The following ESRRG variants were observed in gnomAD, a reference collection of about 807,000 sequenced individuals.
ESRRG encodes estrogen-related receptor gamma.
Under a neutral mutation model 44.0 loss-of-function variants are expected in ESRRG, and 13 were observed. The observed-to-expected ratio is 0.30, with a 90% CI of 0.19 to 0.47. The LOEUF (loss-of-function observed/expected upper bound fraction) is 0.47, where lower values mean the gene tolerates loss of function less well. ESRRG is among the 20% of genes least tolerant of loss of function. ESRRG has a pLI of 1.00. For missense variants in ESRRG, 395 were observed against 580.6 expected (o/e 0.68, Z 3.29); for synonymous variants, 215 against 214.6 (o/e 1.00, Z -0.02).
chr1:216,506,242 T>C lies in ESRRG; in HGVS notation c.*697A>G, dbSNP rs2041177492. 5.5e-6 allele frequency: 1 copy of C among 180,468 alleles called. No individual in the cohort carries two copies. The allele number at this position is 180,468 out of a possible 1,614,324, so 11.2% of individuals were successfully genotyped here. On this transcript the variant is annotated 3_prime_UTR_variant, in exon 7 of 7. Coordinates refer to ENST00000408911, the MANE Select transcript of ESRRG (RefSeq NM_001438.4). ...ACTGCACTCAGTCAATTTGTATATG[T>C]TGCACTGTACTTTTAGGAACGTTGG...
At chr1:216,609,799 C>G (rs2060390776) in intron 3 of ESRRG, among the ~76,000 whole-genome samples, 1 of 152,182 alleles carries the variant, frequency 6.6e-6, no homozygotes. Context: ...TATATTCTGG[C>G]ACTTCCTGTC....
At chr1:216,947,271 C>T (rs1057193481) in intron 1 of ESRRG, among the ~76,000 whole-genome samples, 1 of 152,098 alleles carries the variant, frequency 6.6e-6, no homozygotes, top group East Asian at 1.9e-4. Context: ...CTGAGCATGA[C>T]CCAGGATTCA....
intron 5 of ESRRG, among the ~76,000 whole-genome samples, chr1:216,524,579 G>T (rs1044891294): frequency 2.0e-5 from 3 of 151,976 alleles, no homozygotes; most frequent in Non-Finnish European, 4.4e-5. Flanking sequence ...TGAAATGTAA[G>T]AATAATTGAC....
intron 1 of ESRRG, among the ~76,000 whole-genome samples, chr1:217,071,687 C>T (rs758088592): frequency 6.6e-6 from 1 of 152,140 alleles, no homozygotes; most frequent in Non-Finnish European, 1.5e-5. Flanking sequence ...ACAAAAACCT[C>T]CAATAATGTC....
At chr1:216,650,398 C>T (rs2068652827) in intron 3 of ESRRG, among the ~76,000 whole-genome samples, 2 of 152,146 alleles carry the variant, frequency 1.3e-5, no homozygotes, top group African/African-American at 4.8e-5. Context: ...CCTGGCTCCA[C>T]CAATTATAAA....
At chr1:216,742,827 C>T (rs951514054) in intron 2 of ESRRG, among the ~76,000 whole-genome samples, 5 of 152,060 alleles carry the variant, frequency 3.3e-5, no homozygotes, top group Non-Finnish European at 7.4e-5. Context: ...GAATTCACAT[C>T]GCCCTCTGGT....
Position 217,077,534 on chromosome 1 carries a change from C to A in ESRRG, c.-106+11973G>T, listed in dbSNP as rs184349532. ...CCAAAATTCTGTGAGCATTTACTGA[C>A]CTGAATGTTCTTAGAATCTAGGTAG... On this transcript the variant is annotated intron_variant, in intron 1 of 7. Transcript: ENST00000359162. Among the ~76,000 whole-genome samples the A allele has an allele frequency of 1.2e-4, 18 of 152,242 alleles. No individual in the cohort carries two copies. In the East Asian group the frequency reaches 3.3e-3, roughly 28 times the overall value.
intron 5 of ESRRG, among the ~76,000 whole-genome samples, chr1:216,529,666 C>T (rs1352065042): frequency 6.6e-6 from 1 of 152,006 alleles, no homozygotes; most frequent in Non-Finnish European, 1.5e-5. Flanking sequence ...ATTTGATTTT[C>T]ACTATTTCTA....
intron 5 of ESRRG, among the ~76,000 whole-genome samples, chr1:216,542,283 C>T (rs1029716322): frequency 6.6e-6 from 1 of 151,762 alleles, no homozygotes; most frequent in African/African-American, 2.4e-5. Flanking sequence ...TCTTATTTAA[C>T]CACTTCAGTA....
At chr1:216,705,318 A>T (rs2082235776) in intron 1 of ESRRG, among the ~76,000 whole-genome samples, 1 of 151,912 alleles carries the variant, frequency 6.6e-6, no homozygotes, top group African/African-American at 2.4e-5. Flanking sequence ...TAATTGACAT[A>T]GAAATTATTT....
chr1:216,681,845 C>T (rs2151571603), intron 1 of ESRRG: 1 of 152,232 alleles, frequency 6.6e-6, no homozygotes, highest in African/African-American at 2.4e-5. Context: ...AGTTAATGTT[C>T]AATTTCTATT....
At chr1:216,856,036 AGGT>A (rs1181070157) in intron 2 of ESRRG, among the ~76,000 whole-genome samples, 1 of 151,900 alleles carries the variant, frequency 6.6e-6, no homozygotes, top group Non-Finnish European at 1.5e-5. Context: ...TTATCAAAAG[AGGT>A]GACCTACTAC....
chr1:217,012,404 A>G (rs1415662484), intron 1 of ESRRG, among the ~76,000 whole-genome samples: 1 of 152,224 alleles, frequency 6.6e-6, no homozygotes. Context: ...AATGTGGGAA[A>G]AAGAAGCTCA....
chr1:216,508,649 T>G (rs1459457897), intron 6 of ESRRG, among the ~76,000 whole-genome samples: 1 of 152,206 alleles, frequency 6.6e-6, no homozygotes, highest in African/African-American at 2.4e-5. Context: ...CCTCCTATGG[T>G]GCTGTCTCTT....
intron 1 of ESRRG, among the ~76,000 whole-genome samples, chr1:216,982,020 C>A (rs1257021220): frequency 1.3e-5 from 2 of 152,216 alleles, no homozygotes; most frequent in Non-Finnish European, 1.5e-5. Flanking sequence ...CTGCTTCGTG[C>A]ATTTTCAGCT....
chr1:216,540,161 A>G (rs999121391), intron 5 of ESRRG, among the ~76,000 whole-genome samples: 2 of 152,088 alleles, frequency 1.3e-5, no homozygotes, highest in African/African-American at 4.8e-5. Context: ...TCTCTTATTA[A>G]TATTTCCCAT....
At position 217,083,745 on chromosome 1, in the gene ESRRG, G is replaced by A. The variant is rs141074010; in HGVS notation, c.-106+5762C>T. 2.3e-3 allele frequency among the ~76,000 whole-genome samples: 348 copies of A among 152,252 alleles called. 3 individuals are homozygous for A. Among genetic ancestry groups the A allele is most frequent in the African/African-American group, 8.2e-3 (341 of 41,554 alleles). ...GGAAAATAAATGTTCATACTAAATA[G>A]AAAATGAATTTCTAATAACTGAATT... On this transcript the variant is annotated intron_variant, in intron 1 of 7. Coordinates refer to the ESRRG transcript ENST00000359162.
At chr1:216,537,249 G>A (rs1320525755) in intron 5 of ESRRG, among the ~76,000 whole-genome samples, 1 of 151,974 alleles carries the variant, frequency 6.6e-6, no homozygotes, top group African/African-American at 2.4e-5. Flanking sequence ...CTCCATAACA[G>A]AGCATGGTGA....
intron 1 of ESRRG, among the ~76,000 whole-genome samples, chr1:216,976,286 A>ATGTGTGTGTGTG (rs61142800): frequency 7.7e-4 from 113 of 146,982 alleles, no homozygotes; most frequent in Middle Eastern, 7.1e-3. Flanking sequence ...ATGCTCCTAA[A>ATGTGTGTGTGTG]TGTGTGTGTG....
Sources: allele counts gnomAD v4.1 joint callset (sites outside exome capture counted in the v4.1 genomes callset), GRCh38; gene constraint gnomAD v4.1.1; transcripts MANE v1.5; gene names NCBI Gene and HGNC (gene_info 2026-07-23, HGNC 2026-07-21).